Variants in CDH11 observed in about 807,000 individuals in gnomAD.
CDH11 encodes cadherin 11.
Under a neutral mutation model 67.8 loss-of-function variants are expected in CDH11, and 11 were observed. That is an observed-to-expected ratio of 0.16 (90% CI 0.10 to 0.27). The LOEUF is 0.27. CDH11 is among the 10% of genes least tolerant of loss of function. CDH11 has a pLI of 1.00. For synonymous variants in CDH11, 419 were observed against 400.0 expected, an observed-to-expected ratio of 1.05 and a Z score of -0.57; for missense variants, 847 against 1,031.2, an observed-to-expected ratio of 0.82 and a Z score of 2.45.
chr16:65,034,894 G>A (rs1480100511), intron 2 of CDH11, among the ~76,000 whole-genome samples: 1 of 152,108 alleles, frequency 6.6e-6, no homozygotes, highest in Admixed American at 6.5e-5. Flanking sequence ...TGTTCACACT[G>A]GCTTTCACAA....
At chr16:65,041,012 AT>A (rs2073857610) in intron 2 of CDH11, among the ~76,000 whole-genome samples, 1 of 152,130 alleles carries the variant, frequency 6.6e-6, no homozygotes, top group African/African-American at 2.4e-5. Context: ...TTTAGAACAT[AT>A]TTTACTAACC....
intron 2 of CDH11, among the ~76,000 whole-genome samples, chr16:65,051,030 G>T (rs1304618924): frequency 6.6e-6 from 1 of 152,126 alleles, no homozygotes; most frequent in African/African-American, 2.4e-5. Context: ...TCCACAGGAG[G>T]GATGCACTTC....
intron 1 of CDH11, among the ~76,000 whole-genome samples, chr16:65,069,682 T>A (rs1003072891): frequency 6.6e-6 from 1 of 152,178 alleles, no homozygotes; most frequent in Non-Finnish European, 1.5e-5. Context: ...ATCATCGAAG[T>A]GTCAAATTAA....
At chr16:64,980,220 T>C (rs983940252) in intron 8 of CDH11, among the ~76,000 whole-genome samples, 11 of 152,114 alleles carry the variant, frequency 7.2e-5, no homozygotes, top group African/African-American at 2.2e-4. Flanking sequence ...GTAAAGTTCA[T>C]GCTTCATGAT....
intron 11 of CDH11, among the ~76,000 whole-genome samples, chr16:64,952,307 A>C (rs1567484443): frequency 6.6e-6 from 1 of 152,204 alleles, no homozygotes; most frequent in Non-Finnish European, 1.5e-5. Context: ...TGATTTGTTG[A>C]CATAACCACT....
chr16:65,122,272 C>G (rs936246817), upstream of CDH11: 24 of 397,416 alleles, frequency 6.0e-5, no homozygotes, highest in Non-Finnish European at 1.0e-4. Context: ...GCCCCTCCCC[C>G]CAGGGGCCCA....
At chr16:65,077,586 T>C (rs2074535018) in intron 1 of CDH11, among the ~76,000 whole-genome samples, 1 of 152,212 alleles carries the variant, frequency 6.6e-6, no homozygotes, top group African/African-American at 2.4e-5. Flanking sequence ...GCACAATATC[T>C]TACCATGTAC....
intron 1 of CDH11, among the ~76,000 whole-genome samples, chr16:65,097,309 T>C (rs1426605524): frequency 6.6e-6 from 1 of 152,234 alleles, no homozygotes; most frequent in Non-Finnish European, 1.5e-5. Flanking sequence ...TTAGCCTCGA[T>C]TTCCTCAAAT....
intron 1 of CDH11, among the ~76,000 whole-genome samples, chr16:65,115,707 C>CA (rs750108148): frequency 0.2 from 11,811 of 59,324 alleles, 675 homozygotes; most frequent in African/African-American, 0.33. Context: ...AAGGCTACAC[C>CA]AAAAAAAAAA....
intron 2 of CDH11, among the ~76,000 whole-genome samples, chr16:65,025,531 C>T (rs930237137): frequency 3.9e-5 from 6 of 152,006 alleles, no homozygotes; most frequent in Admixed American, 3.3e-4. Flanking sequence ...TTAATAGAGA[C>T]GATGTTTCAC....
Position 65,026,788 on chromosome 16 carries a change from A to G in CDH11, c.-172-21747T>C, listed in dbSNP as rs75604113. Among the ~76,000 whole-genome samples the G allele has an allele frequency of 3.7e-4, 57 of 152,192 alleles. No individual in the cohort carries two copies. The East Asian group carries it at 0.01, about 27-fold the overall frequency. ...TGAATGAATGAATCATGATTTTCAAACCTCTCTCCCATAACATTTTCCACA... is the reference window on the plus strand; with the variant it reads ...TGAATGAATGAATCATGATTTTCAAGCCTCTCTCCCATAACATTTTCCACA... On this transcript the variant is annotated intron_variant, in intron 2 of 12. Transcript: ENST00000268603.
chr16:65,020,045 T>TA (rs1338205200), intron 2 of CDH11, among the ~76,000 whole-genome samples: 2 of 152,180 alleles, frequency 1.3e-5, no homozygotes, highest in African/African-American at 2.4e-5. Flanking sequence ...TTATTTTTGG[T>TA]AAAAAACCTG....
At chr16:65,040,389 G>C (rs2073843775) in intron 2 of CDH11, among the ~76,000 whole-genome samples, 1 of 152,158 alleles carries the variant, frequency 6.6e-6, no homozygotes, top group South Asian at 2.1e-4. Context: ...AAAATGATGA[G>C]TTCATTTCCT....
intron 1 of CDH11, among the ~76,000 whole-genome samples, chr16:65,069,274 G>A (rs996297210): frequency 1.3e-5 from 2 of 152,142 alleles, no homozygotes; most frequent in African/African-American, 2.4e-5. Flanking sequence ...TCATTATGAC[G>A]TCAAATCTCG....
intron 1 of CDH11, among the ~76,000 whole-genome samples, chr16:65,117,325 C>T (rs898072152): frequency 4.6e-5 from 7 of 152,306 alleles, no homozygotes; most frequent in Non-Finnish European, 1.0e-4. Context: ...TAAAACAGTA[C>T]TTATTTCTTT....
At chr16:64,977,074 C>T (rs1020648086) in intron 8 of CDH11, among the ~76,000 whole-genome samples, 3 of 152,058 alleles carry the variant, frequency 2.0e-5, no homozygotes, top group African/African-American at 7.2e-5. Flanking sequence ...TGGCATGCAC[C>T]TGCAGTCCCA....
intron 2 of CDH11, among the ~76,000 whole-genome samples, chr16:65,025,220 T>C (rs1265062644): frequency 6.6e-6 from 1 of 152,126 alleles, no homozygotes; most frequent in African/African-American, 2.4e-5. Context: ...AATTTGAAGG[T>C]CGAATGAGAT....
chr16:64,983,462 A>C (rs954253552), intron 7 of CDH11, among the ~76,000 whole-genome samples: 1 of 152,204 alleles, frequency 6.6e-6, no homozygotes, highest in African/African-American at 2.4e-5. Context: ...TAAGGCGAGC[A>C]TCTGCCTGCC....
intron 1 of CDH11, among the ~76,000 whole-genome samples, chr16:65,089,926 T>A (rs2074767280): frequency 6.6e-6 from 1 of 152,148 alleles, no homozygotes; most frequent in Non-Finnish European, 1.5e-5. Context: ...TCAATAATAA[T>A]ATATTATTTA....
Sources: gnomAD v4.1 joint callset for allele counts (sites outside exome capture counted in the v4.1 genomes callset) on GRCh38, gnomAD v4.1.1 for gene constraint, MANE v1.5 for transcripts, NCBI Gene and HGNC (gene_info 2026-07-23, HGNC 2026-07-21) for gene names.